Variants in CENATAC observed in about 807,000 individuals in gnomAD.
CENATAC encodes the protein coiled-coil domain containing 84.
In CENATAC, 53 loss-of-function variants were observed where a neutral mutation model predicts 53.7. The ratio of observed to expected loss-of-function variants is 0.99; its 90% CI spans 0.79 to 1.24. The LOEUF is 1.24. CENATAC is among the 50% of genes most tolerant of loss of function. The probability of loss-of-function intolerance (pLI) is 0.00; values close to 1 mark genes in which losing one functional copy is unlikely to be tolerated. For missense variants in CENATAC, 474 were observed against 417.8 expected, an observed-to-expected ratio of 1.13 and a Z score of -1.17; for synonymous variants, 156 against 144.6, an observed-to-expected ratio of 1.08 and a Z score of -0.57.
rs782335399 is a variant in CENATAC, at chr11:119,011,297, G to A, written c.513+14G>A. On this transcript the variant is annotated intron_variant, in intron 5 of 10. Transcript: ENST00000334418. The stretch of plus-strand genomic sequence containing the variant: ...TCTGTCTTAGAGGTTGGTTTCCCTC[G>A]GAGGATCCAGACCAGTATCCAAATC... The A allele has an allele frequency of 2.4e-5, 39 of 1,613,154 alleles. 2 individuals are homozygous for A. The Middle Eastern group carries it at 9.9e-4, about 41-fold the overall frequency.
Position 119,015,346 on chromosome 11 carries a change from T to A in CENATAC, c.845T>A (p.Val282Asp). The A allele has an allele frequency of 1.2e-6, 2 of 1,613,988 alleles. No individual in the cohort carries two copies. The change falls in exon 10 of 11, where the codon GTT becomes GAT. Residue 282 changes from valine (V) to aspartate (D), a missense_variant. By Grantham distance (152) the Val-to-Asp change is radical. Coordinates refer to ENST00000334418, the MANE Select transcript of CENATAC (RefSeq NM_198489.3). Reference sequence around the variant, plus strand: ...TTGAAAAAACTCCCCCCAGACCGAGTTGGGGCCAACTTTGATCACAGCTCC... The same window carrying A: ...TTGAAAAAACTCCCCCCAGACCGAGATGGGGCCAACTTTGATCACAGCTCC... Reference protein sequence around the residue: ...QKLKKLPPDRVGANFDHSSRT... With the variant: ...QKLKKLPPDRDGANFDHSSRT...
At chr11:119,002,031 T>C (rs4573680) in intron 3 of CENATAC, among the ~76,000 whole-genome samples, 45,443 of 151,526 alleles carry the variant, frequency 0.3, 7,577 homozygotes, top group African/African-American at 0.44. Flanking sequence ...CGAGACCAGC[T>C]TGGTCAACAT....
intron 7 of CENATAC, 106 bp from the exon 8 acceptor site, chr11:119,013,126 C>A: frequency 2.5e-6 from 2 of 809,798 alleles, no homozygotes; most frequent in Non-Finnish European, 4.1e-6. Context: ...TGGCAGCAGT[C>A]ACACCCACCT....
Position 118,998,301 on chromosome 11 carries a change from A to G in CENATAC, c.104A>G (p.Glu35Gly). The G allele has an allele frequency of 6.2e-7, 1 of 1,607,706 alleles. No homozygotes were observed. The highest frequency in any genetic ancestry group is 2.2e-5 in the East Asian group (1 of 44,712). Residue 35 changes from glutamate (E) to glycine (G), a missense_variant, in exon 1 of 11, where the codon GAG becomes GGG. Coordinates refer to ENST00000334418, the MANE Select transcript of CENATAC (RefSeq NM_198489.3). ...CAGCGGCAGCTGAAGGAGGCTTTGG[A>G]GAGGCTCCTGCCCCAGGTGCGGAGG... ...KHQRQLKEAL[E>G]RLLPQVEAAR...
intron 8 of CENATAC, among the ~76,000 whole-genome samples, 200 bp downstream of exon 8, chr11:119,013,462 A>ATTTT (rs34471457): frequency 7.9e-6 from 1 of 126,618 alleles, no homozygotes; most frequent in Non-Finnish European, 1.6e-5. Flanking sequence ...CACCCAGCTA[A>ATTTT]TTTTTTTTTT....
chr11:119,008,798 C>T (rs1292370385), intron 3 of CENATAC, among the ~76,000 whole-genome samples: 1 of 150,506 alleles, frequency 6.6e-6, no homozygotes, highest in African/African-American at 2.4e-5. Flanking sequence ...GAGGTCCCTG[C>T]GGCTTTCCAC....
intron 3 of CENATAC, among the ~76,000 whole-genome samples, chr11:119,002,567 A>C (rs1226630492): frequency 6.6e-6 from 1 of 151,888 alleles, no homozygotes; most frequent in Admixed American, 6.6e-5. Context: ...TGAACTCCTG[A>C]CCTCAAGTGA....
chr11:119,015,088 GTAAAC>G lies in CENATAC; in HGVS notation c.805+9_805+13del, dbSNP rs1269920634. The G allele has an allele frequency of 2.5e-6, 4 of 1,594,400 alleles. No individual in the cohort carries two copies. The highest frequency in any genetic ancestry group is 3.4e-5 in the Admixed American group (2 of 58,088). On this transcript the variant is annotated splice_donor_region_variant and intron_variant, in intron 9 of 10. Coordinates refer to ENST00000334418, the MANE Select transcript of CENATAC (RefSeq NM_198489.3). ...ATGAAGAATTTCTTAAAGAAAGTAA[GTAAAC>G]TAATTCAAGAGAGGATCGTCTAAAT...
chr11:119,015,765 A>G lies in CENATAC; in HGVS notation c.*167A>G. 1 of 1,306,674 alleles carries G rather than the reference A, an allele frequency of 7.7e-7. No homozygotes were observed. Among genetic ancestry groups the G allele is most frequent in the South Asian group, 1.2e-5 (1 of 80,430 alleles). The allele number at this position is 1,306,674 out of a possible 1,614,324, so 80.9% of individuals were successfully genotyped here. ...AATGTACAGCTGGTTGGACCTGTAA[A>G]AAAAAATTAAAAGAATCAGAACCAT... On this transcript the variant is annotated 3_prime_UTR_variant, in exon 11 of 11. Transcript: ENST00000334418.
At position 118,998,558 on chromosome 11, in the gene CENATAC, G is replaced by C. The variant is rs782344072; in HGVS notation, c.249G>C (p.Thr83=). The C allele has an allele frequency of 4.4e-6, 7 of 1,581,664 alleles. No homozygotes were observed. The highest frequency in any genetic ancestry group is 1.1e-5 in the South Asian group (1 of 87,354). Residue 83 remains threonine (T), a synonymous_variant, in exon 2 of 11, where the codon ACG becomes ACC. Coordinates refer to ENST00000334418, the MANE Select transcript of CENATAC (RefSeq NM_198489.3). Reference sequence around the variant, plus strand: ...AACACCTGAGCCATGGAAACCTGACGGTGCTGTACGGGGGGCTGCTGGAGC... The same window carrying C: ...AACACCTGAGCCATGGAAACCTGACCGTGCTGTACGGGGGGCTGCTGGAGC... ...VREHLSHGNL[T]VLYGGLLEHL... is the part of the protein sequence containing the mutation.
intron 3 of CENATAC, chr11:119,010,476 A>G (rs1264071559): frequency 4.9e-6 from 2 of 411,028 alleles, no homozygotes; most frequent in Non-Finnish European, 8.7e-6. Flanking sequence ...TAATGGTATC[A>G]TGGTTGTATA....
At chr11:119,012,918 G>T (rs531822570) in intron 7 of CENATAC, 2 of 292,506 alleles carry the variant, frequency 6.8e-6, no homozygotes, top group Non-Finnish European at 1.3e-5. Flanking sequence ...TGTAATTTAC[G>T]TAACTTGTGC....
At chr11:119,010,471 G>A in intron 3 of CENATAC, 2 of 394,686 alleles carry the variant, frequency 5.1e-6, no homozygotes, top group East Asian at 3.9e-5. Context: ...TGTGGTAATG[G>A]TATCATGGTT....
intron 10 of CENATAC, 44 bp from the exon 11 acceptor site, chr11:119,015,494 G>A: frequency 1.2e-6 from 2 of 1,613,916 alleles, no homozygotes; most frequent in African/African-American, 1.3e-5. Flanking sequence ...CCTTTTTGGA[G>A]ATGTCACCCT....
rs56016324 is a variant in CENATAC at position 119,002,767 on chromosome 11, A to T, written c.383+3658A>T. ...AGATTTCTCCCATGCGAAATTTTGT[A>T]TTCAGAATCCAATAGAAATATTTCA... On this transcript the variant is annotated intron_variant, in intron 3 of 10. Coordinates refer to ENST00000334418, the MANE Select transcript of CENATAC (RefSeq NM_198489.3). 3.2e-3 allele frequency among the ~76,000 whole-genome samples: 473 copies of T among 149,140 alleles called. 1 individual carries two copies. The highest frequency in any genetic ancestry group is 0.011 in the African/African-American group (448 of 40,492).
At chr11:119,012,360 G>C (rs1009507319) in intron 7 of CENATAC, 106 bp downstream of exon 7, 2 of 1,254,192 alleles carry the variant, frequency 1.6e-6, no homozygotes, top group African/African-American at 1.5e-5. Context: ...TCCACTGCAG[G>C]CTTTTCCTTC....
rs903640074 is a variant in CENATAC, at chr11:119,011,151, TAAAGG to T, written c.451-64_451-60del. 31 of 1,408,208 alleles carry T rather than the reference TAAAGG, an allele frequency of 2.2e-5. 1 individual carries two copies. In the Middle Eastern group the frequency reaches 7.4e-4, roughly 34 times the overall value. 87.2% of individuals were successfully genotyped at this position (1,408,208 alleles called of 1,614,324 possible). On this transcript the variant is annotated intron_variant, in intron 4 of 10. Coordinates refer to ENST00000334418, the MANE Select transcript of CENATAC (RefSeq NM_198489.3). ...ACGCCTGGGGGTGGAGGGCCCAAGT[TAAAGG>T]AAAGGCCTCTGAAGAAACTGGCCCC...
intron 4 of CENATAC, 85 bp downstream of exon 4, chr11:119,010,915 A>G: frequency 8.3e-7 from 1 of 1,210,332 alleles, no homozygotes; most frequent in Non-Finnish European, 1.2e-6. Context: ...GGACCCAGGC[A>G]GGGGATGGTT....
chr11:119,001,537 A>T (rs1482959526), intron 3 of CENATAC: 1 of 436,088 alleles, frequency 2.3e-6, no homozygotes, highest in African/African-American at 2.0e-5. Flanking sequence ...TTATGGTAGT[A>T]AATCATAAAA....
Sources: gnomAD v4.1 joint callset for allele counts (sites outside exome capture counted in the v4.1 genomes callset) on GRCh38, gnomAD v4.1.1 for gene constraint, MANE v1.5 for transcripts, NCBI Gene and HGNC (gene_info 2026-07-23, HGNC 2026-07-21) for gene names.